Variants in ARHGAP39 observed in about 807,000 individuals in gnomAD.
The protein encoded by ARHGAP39 is rho GTPase-activating protein 39.
ARHGAP39 carries 44 observed loss-of-function variants against 106.9 expected under a neutral mutation model. The observed-to-expected ratio is 0.41, with a 90% confidence interval of 0.32 to 0.53. The LOEUF is 0.53. Ranked by LOEUF, ARHGAP39 falls within the 20% of genes least tolerant of loss-of-function variation. The pLI, the probability that ARHGAP39 is intolerant of heterozygous loss-of-function variation, is 0.21. For missense variants in ARHGAP39, 1,496 were observed against 1,577.3 expected, an observed-to-expected ratio of 0.95 and a Z score of 0.87; for synonymous variants, 768 against 693.2, an observed-to-expected ratio of 1.11 and a Z score of -1.69.
At chr8:144,617,422 G>A (rs1358671286) in intron 1 of ARHGAP39, among the ~76,000 whole-genome samples, 1 of 139,562 alleles carries the variant, frequency 7.2e-6, no homozygotes, top group Non-Finnish European at 1.7e-5. Context: ...AGCACCCAGC[G>A]CCACAAACCA....
In ARHGAP39 at chr8:144,561,563, C is replaced by T. The variant is rs565740952; in HGVS notation, c.513-5920G>A. Among the ~76,000 whole-genome samples the T allele has an allele frequency of 4.1e-5, 6 of 146,740 alleles. No homozygotes were observed. In the South Asian group the frequency reaches 8.4e-4, roughly 21 times the overall value. On this transcript the variant is annotated intron_variant, in intron 3 of 11. Transcript: ENST00000377307. ...TCCATCACACTCCAGTGGTTTCGATCGGACCCCAGTGGTTTCCATCGGACC... is the reference window on the plus strand; with the variant it reads ...TCCATCACACTCCAGTGGTTTCGATTGGACCCCAGTGGTTTCCATCGGACC...
chr8:144,631,083 A>C (rs561771001), intron 1 of ARHGAP39, among the ~76,000 whole-genome samples: 5 of 152,332 alleles, frequency 3.3e-5, no homozygotes, highest in Admixed American at 3.3e-4. Flanking sequence ...AAGAGGGGGC[A>C]GCTGCTGCCC....
In ARHGAP39 at chr8:144,581,145, C is replaced by T; in HGVS notation, c.213G>A (p.Glu71=). The change falls in exon 3 of 12, where the codon GAG becomes GAA. Residue 71 remains glutamate, a synonymous_variant. Transcript: ENST00000377307. ...AGCGGGACGTGTTGGGGTCGAACAGCTCCCACCACTGGTTCTCGCTGGTGC... is the reference window on the plus strand; with the variant it reads ...AGCGGGACGTGTTGGGGTCGAACAGTTCCCACCACTGGTTCTCGCTGGTGC... The part of the protein sequence containing the change: ...IKRTSENQWW[E]LFDPNTSRFY... 6.3e-7 allele frequency: 1 copy of T among 1,581,140 alleles called. No homozygotes were observed. The highest frequency in any genetic ancestry group is 8.6e-7 in the Non-Finnish European group (1 of 1,164,366).
intron 3 of ARHGAP39, among the ~76,000 whole-genome samples, chr8:144,577,612 C>G (rs1314397322): frequency 6.6e-6 from 1 of 152,190 alleles, no homozygotes; most frequent in East Asian, 1.9e-4. Flanking sequence ...ATGACATAGT[C>G]CTATATATAG....
chr8:144,616,435 G>A (rs1408502779), intron 1 of ARHGAP39, among the ~76,000 whole-genome samples: 1 of 152,254 alleles, frequency 6.6e-6, no homozygotes, highest in Non-Finnish European at 1.5e-5. Flanking sequence ...GCAGGAAACA[G>A]AGGCTCAGGC....
intron 1 of ARHGAP39, among the ~76,000 whole-genome samples, chr8:144,677,794 T>C (rs1822282225): frequency 6.6e-6 from 1 of 152,152 alleles, no homozygotes; most frequent in African/African-American, 2.4e-5. Context: ...GGTTCCAGGG[T>C]AGAGACTAGG....
intron 2 of ARHGAP39, among the ~76,000 whole-genome samples, chr8:144,588,034 C>T (rs1040714189): frequency 2.0e-5 from 3 of 152,306 alleles, no homozygotes; most frequent in East Asian, 1.9e-4. Flanking sequence ...CTCGAGACAC[C>T]GAGGAAAACC....
chr8:144,674,382 T>C (rs1483909528), intron 1 of ARHGAP39, among the ~76,000 whole-genome samples: 1 of 152,210 alleles, frequency 6.6e-6, no homozygotes, highest in Admixed American at 6.5e-5. Flanking sequence ...GAGAGGAGAC[T>C]CGGACTGGTT....
chr8:144,548,137 G>C lies in ARHGAP39; in HGVS notation c.949C>G (p.Pro317Ala). 6.3e-7 allele frequency: 1 copy of C among 1,576,006 alleles called. No homozygotes were observed. The highest frequency in any genetic ancestry group is 8.6e-7 in the Non-Finnish European group (1 of 1,160,598). The change falls in exon 5 of 12, where the codon CCA becomes GCA. Residue 317 changes from proline (P) to alanine (A), a missense_variant. Physicochemically the swap from Pro to Ala is conservative, Grantham distance 27. Transcript: ENST00000377307. This position sits in a 1 kb window ranked among gnomAD's most constrained non-coding sequence, Gnocchi z 7.4. The part of the protein sequence containing the change: ...GYEPPLYEEP[P>A]VEYQAPIYDE... ...TAGATGGGGGCCTGGTACTCCACTG[G>C]GGGCTCCTCGTAGAGCGGGGGTTCA...
intron 3 of ARHGAP39, among the ~76,000 whole-genome samples, chr8:144,576,050 T>A (rs1039438311): frequency 6.6e-6 from 1 of 151,582 alleles, no homozygotes; most frequent in Admixed American, 6.6e-5. Context: ...CCCAACAGAG[T>A]GGCCGGGCAT....
chr8:144,624,316 A>AT (rs1456522949), intron 1 of ARHGAP39, among the ~76,000 whole-genome samples: 1 of 151,368 alleles, frequency 6.6e-6, no homozygotes, highest in African/African-American at 2.4e-5. Context: ...CATTAAATAT[A>AT]TAAAATAATC....
Position 144,641,222 on chromosome 8 carries a change from C to G in ARHGAP39, c.-81-35527G>C, listed in dbSNP as rs1234229885. The stretch of plus-strand genomic sequence containing the variant: ...GTTCTCAGGTTCTAGTCTATGACAT[C>G]TGGGACCCTGGGGCACCGGTCTCTG... On this transcript the variant is annotated intron_variant, in intron 1 of 11. Transcript: ENST00000377307. The surrounding 1 kb of genome is among the most constrained non-coding windows in gnomAD (Gnocchi z 5.2). 1.3e-5 allele frequency among the ~76,000 whole-genome samples: 2 copies of G among 152,084 alleles called. No homozygotes were observed. Among genetic ancestry groups the G allele is most frequent in the Non-Finnish European group, 2.9e-5 (2 of 68,020 alleles).
At chr8:144,693,128 TGTCTC>T in the ARHGAP39 span, among the ~76,000 whole-genome samples, 2 of 134,676 alleles carry the variant, frequency 1.5e-5, no homozygotes, top group African/African-American at 2.8e-5. Context: ...GCAATGGCAC[TGTCTC>T]GGCTCACTGC....
chr8:144,589,341 C>T (rs1451653770), intron 2 of ARHGAP39, among the ~76,000 whole-genome samples: 1 of 152,200 alleles, frequency 6.6e-6, no homozygotes, highest in Non-Finnish European at 1.5e-5. Context: ...CTCCTCCATG[C>T]AGGCGTGTCC....
At chr8:144,592,970 T>C (rs796662123) in intron 2 of ARHGAP39, among the ~76,000 whole-genome samples, 4 of 152,252 alleles carry the variant, frequency 2.6e-5, no homozygotes, top group African/African-American at 9.6e-5. Flanking sequence ...AGATGCAATC[T>C]GAGGTGTGTT....
rs1821475036 is a variant in ARHGAP39, at chr8:144,647,479, A to T, written c.-82+38207T>A. ...TCCATGGCCCCAGAACATTCCCACA[A>T]GGAAAGGCTATCGGCAGCCTGCAGC... On this transcript the variant is annotated intron_variant, in intron 1 of 11. Transcript: ENST00000377307. This position sits in a 1 kb window ranked among gnomAD's most constrained non-coding sequence, Gnocchi z 4.8. Among the ~76,000 whole-genome samples the T allele has an allele frequency of 6.6e-6, 1 of 152,216 alleles. No individual in the cohort carries two copies. Among genetic ancestry groups the T allele is most frequent in the Non-Finnish European group, 1.5e-5 (1 of 68,034 alleles).
At chr8:144,637,857 TTTC>T (rs1267481575) in intron 1 of ARHGAP39, among the ~76,000 whole-genome samples, 2 of 150,240 alleles carry the variant, frequency 1.3e-5, no homozygotes, top group Non-Finnish European at 2.9e-5. Flanking sequence ...CATGGATATT[TTTC>T]TTTCTTTTTT....
intron 1 of ARHGAP39, among the ~76,000 whole-genome samples, chr8:144,614,735 G>C (rs1563709134): frequency 6.6e-6 from 1 of 152,212 alleles, no homozygotes; most frequent in Non-Finnish European, 1.5e-5. Flanking sequence ...TTGTCACACA[G>C]CAGCAGAGCA....
chr8:144,647,391 A>G lies in ARHGAP39; in HGVS notation c.-82+38295T>C, dbSNP rs975982232. Among the ~76,000 whole-genome samples, 1 of 152,050 alleles carries G rather than the reference A, an allele frequency of 6.6e-6. No individual in the cohort carries two copies. The highest frequency in any genetic ancestry group is 1.5e-5 in the Non-Finnish European group (1 of 67,998). On this transcript the variant is annotated intron_variant, in intron 1 of 11. Coordinates refer to ENST00000377307, the MANE Select transcript of ARHGAP39 (RefSeq NM_025251.3). This position sits in a 1 kb window ranked among gnomAD's most constrained non-coding sequence, Gnocchi z 4.8. ...AGGTGGCATCCCTGTTCTCACCCTC[A>G]CTGTGCAGAGTCCCTGAGACTTCCC... is the stretch of plus-strand genomic sequence containing the variant.
Sources: gnomAD v4.1 joint callset for allele counts (sites outside exome capture counted in the v4.1 genomes callset) on GRCh38, gnomAD v4.1.1 for gene constraint, Gnocchi (gnomAD v3.1) non-coding constraint, MANE v1.5 for transcripts, NCBI Gene and HGNC (gene_info 2026-07-23, HGNC 2026-07-21) for gene names.